Variants in DLGAP2 observed in about 807,000 individuals in gnomAD.
DLGAP2 encodes disks large-associated protein 2.
In DLGAP2, 26 loss-of-function variants were observed where a neutral mutation model predicts 100.3. The ratio of observed to expected loss-of-function variants is 0.26; its 90% CI spans 0.19 to 0.36. The LOEUF (loss-of-function observed/expected upper bound fraction) is 0.36, where lower values mean the gene tolerates loss of function less well. Ranked by LOEUF, DLGAP2 falls within the 10% of genes least tolerant of loss-of-function variation. The probability of loss-of-function intolerance (pLI) is 1.00; values close to 1 mark genes in which losing one functional copy is unlikely to be tolerated. For synonymous variants in DLGAP2, 886 were observed against 630.1 expected (o/e 1.41, Z -6.08); for missense variants, 1,858 against 1,453.2 (o/e 1.28, Z -4.53).
chr8:1,259,776 C>G (rs1444585257), intron 3 of DLGAP2: 1 of 152,164 alleles, frequency 6.6e-6, no homozygotes, highest in Non-Finnish European at 1.5e-5. Flanking sequence ...TGGAAAGGCT[C>G]TTACTCGTAA....
At position 1,465,497 on chromosome 8, in the gene DLGAP2, T is replaced by C. The variant is rs1584930843; in HGVS notation, c.107-35869T>C. On this transcript the variant is annotated intron_variant, in intron 3 of 14. Coordinates refer to ENST00000637795, the MANE Select transcript of DLGAP2 (RefSeq NM_001346810.2). ...CTCCCAGAACTCTGGGAAGCACCCA[T>C]GTTTGGTGGTTTATTATAAAGGATA... is the stretch of plus-strand genomic sequence containing the variant. 2.0e-5 allele frequency among the ~76,000 whole-genome samples: 3 copies of C among 151,834 alleles called. No homozygotes were observed. The South Asian group carries it at 6.3e-4, about 32-fold the overall frequency.
At chr8:1,635,024 G>T (rs1034595699) in intron 8 of DLGAP2, among the ~76,000 whole-genome samples, 4 of 152,256 alleles carry the variant, frequency 2.6e-5, no homozygotes, top group South Asian at 4.1e-4. Context: ...TGACATCTGA[G>T]AATCAAATGA....
intron 1 of DLGAP2, among the ~76,000 whole-genome samples, chr8:905,730 C>T (rs1398950924): frequency 3.9e-5 from 6 of 152,086 alleles, no homozygotes; most frequent in East Asian, 3.9e-4. Context: ...TTGAGGGGGG[C>T]GCCAGCTCCC....
intron 3 of DLGAP2, among the ~76,000 whole-genome samples, chr8:1,366,163 C>G (rs1481229983): frequency 6.6e-6 from 1 of 152,228 alleles, no homozygotes; most frequent in Admixed American, 6.5e-5. Context: ...CTTTTTCTTT[C>G]TCTCCTTTTC....
chr8:1,005,085 C>T (rs575600407), intron 2 of DLGAP2, among the ~76,000 whole-genome samples: 1 of 152,294 alleles, frequency 6.6e-6, no homozygotes, highest in Non-Finnish European at 1.5e-5. Context: ...CTTGTGTCTT[C>T]CTGTGGATGG....
At position 1,352,158 on chromosome 8, in the gene DLGAP2, C is replaced by T. The variant is rs1194970836; in HGVS notation, c.106+93275C>T. 1.1e-3 allele frequency among the ~76,000 whole-genome samples: 115 copies of T among 103,300 alleles called. 1 individual carries two copies. Among genetic ancestry groups the T allele is most frequent in the Middle Eastern group, 6.7e-3 (1 of 150 alleles). 67.8% of individuals were successfully genotyped at this position (103,300 alleles called of 152,430 possible). ...GGGTCCTGACTGTGTGTGGAAAGGC[C>T]GTGCGGGTCCTGAGTGTGTGTGGAT... On this transcript the variant is annotated intron_variant, in intron 3 of 14. Transcript: ENST00000637795.
chr8:1,331,499 G>C (rs1801157174), intron 3 of DLGAP2, among the ~76,000 whole-genome samples: 1 of 152,158 alleles, frequency 6.6e-6, no homozygotes, highest in African/African-American at 2.4e-5. Flanking sequence ...AGCCTTTTCT[G>C]ATTTTTTAGG....
In DLGAP2 at chr8:778,115, C is replaced by A. The variant is rs185559418; in HGVS notation, c.18+40290C>A. 8.1e-3 allele frequency among the ~76,000 whole-genome samples: 1,239 copies of A among 152,198 alleles called. 13 individuals carry two copies. Among genetic ancestry groups the A allele is most frequent in the African/African-American group, 0.028 (1,171 of 41,520 alleles). ...TTCATTTCATCTTCCACCGCTGATACCCTTTCTTCCAGTTGATCGCATCGG... is the reference window on the plus strand; with the variant it reads ...TTCATTTCATCTTCCACCGCTGATAACCTTTCTTCCAGTTGATCGCATCGG... On this transcript the variant is annotated intron_variant, in intron 1 of 14. Transcript: ENST00000637795.
In DLGAP2 at chr8:1,180,221, A is replaced by G. The variant is rs539933596; in HGVS notation, c.74-78630A>G. On this transcript the variant is annotated intron_variant, in intron 2 of 14. Coordinates refer to ENST00000637795, the MANE Select transcript of DLGAP2 (RefSeq NM_001346810.2). ...TTGTTTTTTAATTGACTTATAACTTACAGTGAAGTGCCCAGATTCTAGCTA... is the reference window on the plus strand; with the variant it reads ...TTGTTTTTTAATTGACTTATAACTTGCAGTGAAGTGCCCAGATTCTAGCTA... Among the ~76,000 whole-genome samples the G allele has an allele frequency of 4.1e-4, 62 of 152,284 alleles. 1 individual carries two copies. The highest frequency in any genetic ancestry group is 2.3e-3 in the South Asian group (11 of 4,822).
chr8:1,555,662 C>A (rs527787154), intron 5 of DLGAP2, among the ~76,000 whole-genome samples: 1 of 152,238 alleles, frequency 6.6e-6, no homozygotes, highest in Non-Finnish European at 1.5e-5. Context: ...CATCACCCCC[C>A]AGTTGTCCTG....
At chr8:1,224,378 G>A (rs919794956) in intron 2 of DLGAP2, among the ~76,000 whole-genome samples, 10 of 152,302 alleles carry the variant, frequency 6.6e-5, no homozygotes, top group African/African-American at 1.9e-4. Context: ...AACAGAGCCT[G>A]CTTGGCAGAT....
chr8:1,241,221 A>G (rs62487819), intron 2 of DLGAP2, among the ~76,000 whole-genome samples: 700 of 8,204 alleles, frequency 0.085, 6 homozygotes, highest in African/African-American at 0.15. Context: ...ATTCTCTCAC[A>G]TGGCGCCGTG....
intron 2 of DLGAP2, among the ~76,000 whole-genome samples, chr8:1,063,672 C>G (rs1485945242): frequency 6.6e-6 from 1 of 151,996 alleles, no homozygotes; most frequent in Non-Finnish European, 1.5e-5. Context: ...TTAAAAGTTC[C>G]TGTTATCAAT....
intron 2 of DLGAP2, among the ~76,000 whole-genome samples, chr8:1,134,000 C>G (rs185216545): frequency 9.1e-4 from 138 of 152,194 alleles, no homozygotes; most frequent in Non-Finnish European, 1.7e-3. Context: ...CCTCCTCCCC[C>G]CTCCACCTCC....
In DLGAP2 at chr8:1,356,192, C is replaced by A. The variant is rs1440754129; in HGVS notation, c.106+97309C>A. Among the ~76,000 whole-genome samples the A allele has an allele frequency of 3.9e-5, 6 of 152,184 alleles. No individual in the cohort carries two copies. The South Asian group carries it at 1.2e-3, about 32-fold the overall frequency. On this transcript the variant is annotated intron_variant, in intron 3 of 14. Coordinates refer to ENST00000637795, the MANE Select transcript of DLGAP2 (RefSeq NM_001346810.2). ...TGTGGTTGATGCTGCTCTGTGGCCCCCTGGAGAGGCTCCCTTTGAAAGGTT... is the reference window on the plus strand; with the variant it reads ...TGTGGTTGATGCTGCTCTGTGGCCCACTGGAGAGGCTCCCTTTGAAAGGTT...
chr8:841,592 A>G (rs1442787254), intron 1 of DLGAP2, among the ~76,000 whole-genome samples: 2 of 151,432 alleles, frequency 1.3e-5, no homozygotes, highest in African/African-American at 4.8e-5. Flanking sequence ...TTTTTTTGAG[A>G]TGAGGTCTTG....
At chr8:884,358 T>C (rs112428687) in intron 1 of DLGAP2, among the ~76,000 whole-genome samples, 7,446 of 152,334 alleles carry the variant, frequency 0.049, 319 homozygotes, top group African/African-American at 0.11. Context: ...TGGTATCTCA[T>C]TGTGGTTTTG....
chr8:1,121,926 T>C (rs1796059353), intron 2 of DLGAP2, among the ~76,000 whole-genome samples: 3 of 152,248 alleles, frequency 2.0e-5, no homozygotes, highest in African/African-American at 7.2e-5. Flanking sequence ...GCTCAGAATT[T>C]CATTTAATGG....
chr8:1,425,461 A>C (rs1797212275), intron 3 of DLGAP2, among the ~76,000 whole-genome samples: 1 of 152,208 alleles, frequency 6.6e-6, no homozygotes, highest in Admixed American at 6.5e-5. Flanking sequence ...TGTTTAAGAA[A>C]GAAAGAAGTG....
Sources: gnomAD v4.1 joint callset for allele counts (sites outside exome capture counted in the v4.1 genomes callset) on GRCh38, gnomAD v4.1.1 for gene constraint, MANE v1.5 for transcripts, NCBI Gene and HGNC (gene_info 2026-07-23, HGNC 2026-07-21) for gene names.